Variants in PHF21B observed in about 807,000 individuals in gnomAD.
The protein encoded by PHF21B is PHD finger protein 4.
In PHF21B, 22 loss-of-function variants were observed where a neutral mutation model predicts 62.2. The ratio of observed to expected loss-of-function variants is 0.35; its 90% confidence interval spans 0.25 to 0.51. The LOEUF (loss-of-function observed/expected upper bound fraction) is 0.51, where lower values mean the gene tolerates loss of function less well. PHF21B is among the 20% of genes least tolerant of loss of function. PHF21B has a pLI of 0.97. For synonymous variants in PHF21B, 341 were observed against 314.7 expected (o/e 1.08, Z -0.88); for missense variants, 701 against 707.9 (o/e 0.99, Z 0.11).
chr22:44,910,155 G>A (rs748663198), intron 5 of PHF21B, among the ~76,000 whole-genome samples: 4 of 152,182 alleles, frequency 2.6e-5, no homozygotes, highest in Admixed American at 6.5e-5. Context: ...GGGGAGAATC[G>A]TTGGGAGCTG....
chr22:44,918,915 G>A (rs946568648), intron 3 of PHF21B, among the ~76,000 whole-genome samples: 4 of 152,160 alleles, frequency 2.6e-5, no homozygotes, highest in African/African-American at 9.7e-5. Context: ...GACAGGAGAA[G>A]TCCAACTCTA....
Position 44,984,554 on chromosome 22 carries a change from T to A in PHF21B, c.120+23991A>T, listed in dbSNP as rs537783174. ...TCAGGTGCAGTCAAGGGGCTGGCTC[T>A]GAGGGCCCCTGTGCAAAGCCTGGCA... is the stretch of plus-strand genomic sequence containing the variant. On this transcript the variant is annotated intron_variant, in intron 2 of 12. Coordinates refer to ENST00000313237, the MANE Select transcript of PHF21B (RefSeq NM_138415.5). Among the ~76,000 whole-genome samples, 337 of 152,298 alleles carry A rather than the reference T, an allele frequency of 2.2e-3. 4 individuals are homozygous for A. Among genetic ancestry groups the A allele is most frequent in the African/African-American group, 7.9e-3 (329 of 41,582 alleles).
chr22:44,926,424 T>G (rs1265525550), intron 2 of PHF21B, among the ~76,000 whole-genome samples: 1 of 152,224 alleles, frequency 6.6e-6, no homozygotes, highest in Non-Finnish European at 1.5e-5. Flanking sequence ...CCTGTTTTGC[T>G]GGGGCTTCCG....
intron 2 of PHF21B, among the ~76,000 whole-genome samples, chr22:44,943,118 G>A (rs975816673): frequency 6.6e-6 from 1 of 151,912 alleles, no homozygotes; most frequent in African/African-American, 2.4e-5. Context: ...TCCTGCCCAT[G>A]ATGCCCTCCA....
At chr22:44,923,732 A>G (rs2071578901) in intron 2 of PHF21B, among the ~76,000 whole-genome samples, 1 of 152,180 alleles carries the variant, frequency 6.6e-6, no homozygotes, top group Admixed American at 6.5e-5. Context: ...AAGAAGATAT[A>G]CTGGGCCAGG....
At chr22:44,944,330 G>A (rs1450038405) in intron 2 of PHF21B, among the ~76,000 whole-genome samples, 1 of 152,202 alleles carries the variant, frequency 6.6e-6, no homozygotes, top group Non-Finnish European at 1.5e-5. Context: ...GGTGCCAGGA[G>A]CCACCGCCCA....
intron 2 of PHF21B, among the ~76,000 whole-genome samples, chr22:44,939,555 G>C (rs1375643414): frequency 1.3e-5 from 2 of 152,218 alleles, no homozygotes; most frequent in East Asian, 3.8e-4. Context: ...GACCAGGAAA[G>C]GGTGAAGGAG....
intron 4 of PHF21B, 82 bp from the exon 5 acceptor site, chr22:44,914,170 G>C (rs760634566): frequency 3.8e-5 from 22 of 582,194 alleles, no homozygotes; most frequent in East Asian, 3.6e-4. Flanking sequence ...CACAGGGCAG[G>C]GGTTGGGGAG....
At position 45,009,681 on chromosome 22, in the gene PHF21B, TC is replaced by T; in HGVS notation, c.-133del. 1 of 806,342 alleles carries T rather than the reference TC, an allele frequency of 1.2e-6. No individual in the cohort carries two copies. The highest frequency in any genetic ancestry group is 1.8e-6 in the Non-Finnish European group (1 of 562,096). The allele number at this position is 806,342 out of a possible 1,614,324, so 49.9% of individuals were successfully genotyped here. ...TGGGTTGGGGGGGACACGAGCCCCC[TC>T]CCCCACGGCCGAAAGGGAAGGGGGC... is the stretch of plus-strand genomic sequence containing the variant. On this transcript the variant is annotated 5_prime_UTR_variant, in exon 1 of 13. Coordinates refer to ENST00000313237, the MANE Select transcript of PHF21B (RefSeq NM_138415.5). The surrounding 1 kb of genome is among the most constrained non-coding windows in gnomAD (Gnocchi z 5.9).
At chr22:44,928,931 C>T (rs1190337539) in intron 2 of PHF21B, among the ~76,000 whole-genome samples, 1 of 152,220 alleles carries the variant, frequency 6.6e-6, no homozygotes, top group Admixed American at 6.5e-5. Flanking sequence ...ACCCACAGGC[C>T]TCTGGACATT....
At chr22:44,896,246 G>T (rs117824015) in intron 5 of PHF21B, among the ~76,000 whole-genome samples, 163 bp from the exon 6 acceptor site, 3,395 of 152,316 alleles carry the variant, frequency 0.022, 56 homozygotes, top group Middle Eastern at 0.034. Context: ...GAAACGTGGG[G>T]AAATAGGATT....
At chr22:44,984,128 TCATCATGATCACCATCATCATCAC>T in intron 2 of PHF21B, among the ~76,000 whole-genome samples, 1 of 128,450 alleles carries the variant, frequency 7.8e-6, no homozygotes, top group Non-Finnish European at 1.7e-5. Flanking sequence ...ACCATCACCA[TCATCATGATCACCATCATCATCAC>T]CACCATCACC....
intron 2 of PHF21B, among the ~76,000 whole-genome samples, chr22:44,994,375 T>C (rs2073087093): frequency 6.6e-6 from 1 of 152,090 alleles, no homozygotes. Flanking sequence ...CAGCCAGGTG[T>C]AGACAGAGGC....
chr22:44,974,127 T>C (rs1297186528), intron 2 of PHF21B, among the ~76,000 whole-genome samples: 10 of 152,110 alleles, frequency 6.6e-5, no homozygotes, highest in Admixed American at 5.9e-4. Flanking sequence ...TAAACGTGCA[T>C]ATGCGGCCAG....
chr22:44,890,435 C>T (rs997459195), intron 8 of PHF21B, among the ~76,000 whole-genome samples: 3 of 152,160 alleles, frequency 2.0e-5, no homozygotes, highest in African/African-American at 4.8e-5. Flanking sequence ...AGAACAGTTC[C>T]GGAGTCTGCA....
At position 44,911,581 on chromosome 22, in the gene PHF21B, T is replaced by C. The variant is rs2071344727; in HGVS notation, c.831+2241A>G. Among the ~76,000 whole-genome samples, 3 of 152,234 alleles carry C rather than the reference T, an allele frequency of 2.0e-5. 1 individual carries two copies. The South Asian group carries it at 6.2e-4, about 32-fold the overall frequency. On this transcript the variant is annotated intron_variant, in intron 5 of 12. Coordinates refer to ENST00000313237, the MANE Select transcript of PHF21B (RefSeq NM_138415.5). ...GGGTGGAAGCACAAGCCTCGGCAGC[T>C]TCCACATGGTGTTGAGTCTGCAGGT...
chr22:44,889,775 C>A lies in PHF21B; in HGVS notation c.1023G>T (p.Glu341Asp). Residue 341 changes from glutamate (E) to aspartate (D), a missense_variant, in exon 9 of 13, where the codon GAG becomes GAT. Glu to Asp is a conservative substitution (Grantham distance 45, BLOSUM62 2). Coordinates refer to ENST00000313237, the MANE Select transcript of PHF21B (RefSeq NM_138415.5). The stretch of plus-strand genomic sequence containing the variant: ...GGACACGTACCTTCCAGCAGGGGTC[C>A]TCATTGGCTAGCACAGGGAAGAAGG... ...NPLFLTARAN[E>D]DPCWKNEITH... The A allele has an allele frequency of 1.3e-6, 2 of 1,564,130 alleles. No individual in the cohort carries two copies. Among genetic ancestry groups the A allele is most frequent in the Admixed American group, 2.0e-5 (1 of 48,970 alleles).
intron 11 of PHF21B, 48 bp from the exon 12 acceptor site, chr22:44,885,577 G>T: frequency 6.6e-7 from 1 of 1,523,470 alleles, no homozygotes; most frequent in Non-Finnish European, 8.9e-7. Context: ...GTAAGGAGCG[G>T]CTGGGTCGTA....
chr22:44,898,659 T>A (rs958318897), intron 5 of PHF21B, among the ~76,000 whole-genome samples: 1 of 152,252 alleles, frequency 6.6e-6, no homozygotes, highest in African/African-American at 2.4e-5. Flanking sequence ...TTTAAAATTT[T>A]AAATTAAATT....
Sources: allele counts gnomAD v4.1 joint callset (sites outside exome capture counted in the v4.1 genomes callset), GRCh38; gene constraint gnomAD v4.1.1; non-coding constraint Gnocchi (gnomAD v3.1); transcripts MANE v1.5; gene names NCBI Gene and HGNC (gene_info 2026-07-23, HGNC 2026-07-21).